The following STPG2 variants were observed in gnomAD, a reference collection of about 807,000 sequenced individuals.
STPG2 encodes sperm tail PG-rich repeat containing 2.
STPG2 carries 56 observed loss-of-function variants against 54.2 expected under a neutral mutation model. The ratio of observed to expected loss-of-function variants is 1.03; its 90% confidence interval spans 0.83 to 1.29. The LOEUF (loss-of-function observed/expected upper bound fraction) is 1.29, where lower values mean the gene tolerates loss of function less well. STPG2 is among the 50% of genes most tolerant of loss of function. The probability of loss-of-function intolerance (pLI) is 0.00; values close to 1 mark genes in which losing one functional copy is unlikely to be tolerated. For missense variants in STPG2, 596 were observed against 544.9 expected (o/e 1.09, Z -0.93); for synonymous variants, 200 against 181.8 (o/e 1.10, Z -0.81).
At chr4:97,510,508 T>C (rs190313672) in intron 4 of STPG2, among the ~76,000 whole-genome samples, 1 of 152,112 alleles carries the variant, frequency 6.6e-6, no homozygotes, top group Non-Finnish European at 1.5e-5. Context: ...ATCACAGATA[T>C]AATGCTGGGG....
chr4:97,767,991 C>A (rs755867736), intron 9 of STPG2, among the ~76,000 whole-genome samples: 3 of 152,084 alleles, frequency 2.0e-5, no homozygotes, highest in African/African-American at 2.4e-5. Flanking sequence ...CATGGTGAAA[C>A]CCCGTCTCTA....
intron 4 of STPG2, among the ~76,000 whole-genome samples, chr4:97,472,127 C>G (rs897251261): frequency 5.9e-5 from 9 of 152,278 alleles, no homozygotes; most frequent in African/African-American, 2.2e-4. Flanking sequence ...CTTCAGAGAA[C>G]TGAAGTTACA....
chr4:98,111,009 A>G (rs191227439), intron 3 of STPG2, among the ~76,000 whole-genome samples: 156 of 152,306 alleles, frequency 1.0e-3, no homozygotes, highest in Non-Finnish European at 1.2e-3. Flanking sequence ...AGTAAGTGCT[A>G]GAAACTTCAC....
intron 10 of STPG2, among the ~76,000 whole-genome samples, chr4:97,673,979 T>C (rs933071240): frequency 1.3e-5 from 2 of 152,210 alleles, no homozygotes; most frequent in Non-Finnish European, 2.9e-5. Flanking sequence ...CCTTGGGATC[T>C]AACATTGACC....
At chr4:97,550,030 T>C (rs1265584122) in intron 4 of STPG2, among the ~76,000 whole-genome samples, 1 of 152,140 alleles carries the variant, frequency 6.6e-6, no homozygotes, top group Non-Finnish European at 1.5e-5. Flanking sequence ...TCTTGTCACA[T>C]TTAATATCAA....
chr4:97,527,084 C>A (rs558248953), intron 4 of STPG2, among the ~76,000 whole-genome samples: 2 of 151,406 alleles, frequency 1.3e-5, no homozygotes, highest in African/African-American at 2.4e-5. Flanking sequence ...CATGCCATGG[C>A]GGTTTGCTGC....
At chr4:98,007,226 C>G (rs1050070690) in intron 5 of STPG2, among the ~76,000 whole-genome samples, 2 of 152,166 alleles carry the variant, frequency 1.3e-5, no homozygotes, top group African/African-American at 4.8e-5. Context: ...ACCTACTGTC[C>G]TAGAGGTCAG....
At chr4:97,619,524 GT>G (rs5860507) in intron 10 of STPG2, among the ~76,000 whole-genome samples, 221 of 142,422 alleles carry the variant, frequency 1.6e-3, no homozygotes, top group South Asian at 3.1e-3. Context: ...TGATTCCAGT[GT>G]TTTTTTTTTT....
intron 5 of STPG2, among the ~76,000 whole-genome samples, chr4:98,086,666 G>GAAAAAAA (rs35225418): frequency 0.012 from 1,147 of 94,746 alleles, 43 homozygotes; most frequent in African/African-American, 0.015. Context: ...ATGCATGCCA[G>GAAAAAAA]AAAAAAAAAA....
rs544728331 is a variant in STPG2, at chr4:97,624,614, C to A, written c.1321-65497G>T. 4.6e-5 allele frequency among the ~76,000 whole-genome samples: 7 copies of A among 152,244 alleles called. No individual in the cohort carries two copies. In the South Asian group the frequency reaches 1.5e-3, roughly 32 times the overall value. Reference sequence around the variant, plus strand: ...TAGTTTCTTTTGCTGTGCAAAATCTCTTTAGTTTAATTATATCCCATTTGT... The same window carrying A: ...TAGTTTCTTTTGCTGTGCAAAATCTATTTAGTTTAATTATATCCCATTTGT... On this transcript the variant is annotated intron_variant, in intron 10 of 10. Coordinates refer to ENST00000295268, the MANE Select transcript of STPG2 (RefSeq NM_174952.3).
intron 5 of STPG2, among the ~76,000 whole-genome samples, chr4:98,009,294 A>C (rs1011315660): frequency 6.6e-6 from 1 of 151,302 alleles, no homozygotes; most frequent in African/African-American, 2.4e-5. Flanking sequence ...TCATTTTTTT[A>C]TCTCAAGATA....
chr4:97,485,803 C>A (rs1013395764), intron 4 of STPG2, among the ~76,000 whole-genome samples: 14 of 151,902 alleles, frequency 9.2e-5, no homozygotes, highest in African/African-American at 3.1e-4. Context: ...TACTTTAAGG[C>A]CATAGTCACC....
intron 8 of STPG2, among the ~76,000 whole-genome samples, chr4:97,934,744 T>C (rs912116705): frequency 3.3e-5 from 5 of 152,204 alleles, no homozygotes; most frequent in African/African-American, 1.2e-4. Flanking sequence ...TTTGATGTGC[T>C]GGTTTTGGTT....
intron 4 of STPG2, among the ~76,000 whole-genome samples, chr4:97,468,480 C>T (rs558435725): frequency 1.3e-5 from 2 of 152,100 alleles, no homozygotes; most frequent in South Asian, 4.1e-4. Flanking sequence ...GAGCTCCATA[C>T]AAGCATCAGT....
intron 10 of STPG2, among the ~76,000 whole-genome samples, chr4:97,616,979 A>G (rs558770378): frequency 6.6e-6 from 1 of 152,148 alleles, no homozygotes; most frequent in Non-Finnish European, 1.5e-5. Flanking sequence ...ATTTTCTCAA[A>G]TTCTAAAAAT....
At chr4:97,804,599 T>C (rs2149092543) in intron 9 of STPG2, among the ~76,000 whole-genome samples, 1 of 152,292 alleles carries the variant, frequency 6.6e-6, no homozygotes, top group South Asian at 2.1e-4. Flanking sequence ...TGAAAATTTA[T>C]GGAGTAGAAA....
intron 9 of STPG2, among the ~76,000 whole-genome samples, chr4:97,821,099 C>CA (rs1728077009): frequency 6.6e-6 from 1 of 152,114 alleles, no homozygotes; most frequent in Non-Finnish European, 1.5e-5. Flanking sequence ...GCATTCCTTC[C>CA]ACCTATGGGC....
intron 10 of STPG2, among the ~76,000 whole-genome samples, chr4:97,687,907 G>A (rs1321533663): frequency 6.6e-6 from 1 of 152,036 alleles, no homozygotes. Flanking sequence ...AATAAAATTA[G>A]AGAGTATATT....
chr4:97,652,239 C>T (rs1434973762), intron 10 of STPG2, among the ~76,000 whole-genome samples: 1 of 151,856 alleles, frequency 6.6e-6, no homozygotes, highest in African/African-American at 2.4e-5. Flanking sequence ...GTTAAAAGTG[C>T]TAGCATGTCC....
Sources: allele counts gnomAD v4.1 joint callset (sites outside exome capture counted in the v4.1 genomes callset), GRCh38; gene constraint gnomAD v4.1.1; transcripts MANE v1.5; gene names NCBI Gene and HGNC (gene_info 2026-07-23, HGNC 2026-07-21).